The following PTN variants were observed in gnomAD, a reference collection of about 807,000 sequenced individuals.
PTN encodes heparin affin regulatory protein.
PTN carries 18 observed loss-of-function variants against 24.1 expected under a neutral mutation model. The ratio of observed to expected loss-of-function variants is 0.75; its 90% CI spans 0.52 to 1.11. The LOEUF is 1.11. Among genes scored for constraint, PTN ranks in the 50% least tolerant of loss-of-function variants. PTN has a pLI of 0.00. For synonymous variants in PTN, 78 were observed against 68.6 expected (o/e 1.14, Z -0.67); for missense variants, 163 against 198.8 (o/e 0.82, Z 1.08).
At chr7:137,308,139 G>A (rs761796827) in intron 1 of PTN, among the ~76,000 whole-genome samples, 1 of 152,100 alleles carries the variant, frequency 6.6e-6, no homozygotes, top group Non-Finnish European at 1.5e-5. Flanking sequence ...CTAGCCCAGA[G>A]AGAGGAAGAA....
intron 1 of PTN, among the ~76,000 whole-genome samples, chr7:137,306,249 T>A (rs928469939): frequency 1.3e-5 from 2 of 152,084 alleles, no homozygotes; most frequent in African/African-American, 4.8e-5. Context: ...TATTCACCCA[T>A]TATTATGAAA....
At chr7:137,321,808 C>G (rs1024207075) in intron 1 of PTN, among the ~76,000 whole-genome samples, 1 of 151,964 alleles carries the variant, frequency 6.6e-6, no homozygotes, top group Non-Finnish European at 1.5e-5. Context: ...GTTACCATAG[C>G]CTAGAATTAA....
chr7:137,228,007 C>T lies in PTN; in HGVS notation c.*13G>A. On this transcript the variant is annotated 3_prime_UTR_variant, in exon 5 of 5. Coordinates refer to ENST00000348225, the MANE Select transcript of PTN (RefSeq NM_002825.7). ...TTGCTGATGTCCTTTTTATGTTCCA[C>T]AGGTGACATCTTTTAATCCAGCATC... The T allele has an allele frequency of 1.2e-6, 2 of 1,607,648 alleles. No homozygotes were observed. The highest frequency in any genetic ancestry group is 2.2e-5 in the South Asian group (2 of 90,280).
At chr7:137,238,562 A>C (rs928493226) in intron 4 of PTN, among the ~76,000 whole-genome samples, 1 of 152,176 alleles carries the variant, frequency 6.6e-6, no homozygotes, top group Non-Finnish European at 1.5e-5. Context: ...CAAATTATTA[A>C]TTTCTTTTAG....
chr7:137,230,283 C>T (rs1055831139), intron 4 of PTN, among the ~76,000 whole-genome samples: 1 of 151,822 alleles, frequency 6.6e-6, no homozygotes, highest in African/African-American at 2.4e-5. Context: ...GGCAAGAGCA[C>T]ATTCTTAGGT....
chr7:137,333,992 T>G lies in PTN; in HGVS notation c.-2+9447A>C, dbSNP rs536347672. Among the ~76,000 whole-genome samples, 8 of 152,252 alleles carry G rather than the reference T, an allele frequency of 5.3e-5. No homozygotes were observed. The East Asian group carries it at 7.7e-4, about 15-fold the overall frequency. Reference sequence around the variant, plus strand: ...GCTGGGAAAACTGGCTAGCCATATGTAGAAAGCTGAAACTGGATCCCTTCC... The same window carrying G: ...GCTGGGAAAACTGGCTAGCCATATGGAGAAAGCTGAAACTGGATCCCTTCC... On this transcript the variant is annotated intron_variant, in intron 1 of 4. Coordinates refer to ENST00000348225, the MANE Select transcript of PTN (RefSeq NM_002825.7).
At chr7:137,324,277 C>T (rs1810213452) in intron 1 of PTN, among the ~76,000 whole-genome samples, 2 of 151,354 alleles carry the variant, frequency 1.3e-5, no homozygotes, top group South Asian at 2.1e-4. Context: ...TGCCTATAGT[C>T]TCAGCTACTC....
intron 4 of PTN, among the ~76,000 whole-genome samples, chr7:137,242,296 C>A (rs916957841): frequency 1.3e-5 from 2 of 152,026 alleles, no homozygotes; most frequent in Admixed American, 1.3e-4. Flanking sequence ...AAAAGAGCAG[C>A]AAGATGGCAA....
At chr7:137,236,708 G>A (rs1408754247) in intron 4 of PTN, among the ~76,000 whole-genome samples, 3 of 152,054 alleles carry the variant, frequency 2.0e-5, no homozygotes, top group Non-Finnish European at 4.4e-5. Flanking sequence ...GCTTATTTCT[G>A]CAATAATGAG....
chr7:137,328,162 A>G (rs1810292648), intron 1 of PTN, among the ~76,000 whole-genome samples: 1 of 152,154 alleles, frequency 6.6e-6, no homozygotes, highest in Non-Finnish European at 1.5e-5. Flanking sequence ...CCCTTTTAAA[A>G]ATTTTTACTG....
At chr7:137,233,907 CACAT>C (rs750444212) in intron 4 of PTN, among the ~76,000 whole-genome samples, 3 of 150,130 alleles carry the variant, frequency 2.0e-5, no homozygotes, top group Admixed American at 6.7e-5. Context: ...CACACACACA[CACAT>C]ACATATATGT....
At chr7:137,323,364 T>C (rs1378930831) in intron 1 of PTN, among the ~76,000 whole-genome samples, 1 of 152,246 alleles carries the variant, frequency 6.6e-6, no homozygotes, top group Non-Finnish European at 1.5e-5. Flanking sequence ...AAGTATTTTA[T>C]ATACTTTTAG....
chr7:137,330,606 C>T (rs557132767), intron 1 of PTN, among the ~76,000 whole-genome samples: 10 of 152,186 alleles, frequency 6.6e-5, no homozygotes, highest in South Asian at 6.2e-4. Flanking sequence ...ATGCGTTAGA[C>T]GGTAGAAAGG....
At chr7:137,330,272 C>A (rs968634479) in intron 1 of PTN, among the ~76,000 whole-genome samples, 1 of 151,484 alleles carries the variant, frequency 6.6e-6, no homozygotes, top group Non-Finnish European at 1.5e-5. Context: ...GGCAACACAG[C>A]AAGACCCTGT....
At chr7:137,325,052 A>G (rs1021443419) in intron 1 of PTN, among the ~76,000 whole-genome samples, 2 of 152,194 alleles carry the variant, frequency 1.3e-5, no homozygotes, top group African/African-American at 4.8e-5. Flanking sequence ...AAGGAAACAG[A>G]TAAGGCAGAG....
At chr7:137,258,465 GTTC>G (rs932389151) in intron 1 of PTN, among the ~76,000 whole-genome samples, 1 of 152,132 alleles carries the variant, frequency 6.6e-6, no homozygotes, top group African/African-American at 2.4e-5. Flanking sequence ...GAAGAACACT[GTTC>G]TTCTCAGCCT....
intron 1 of PTN, among the ~76,000 whole-genome samples, chr7:137,314,997 A>G (rs1810047318): frequency 6.6e-6 from 1 of 152,138 alleles, no homozygotes; most frequent in African/African-American, 2.4e-5. Flanking sequence ...TCTCTGTTAA[A>G]GTAATTGATG....
intron 1 of PTN, among the ~76,000 whole-genome samples, chr7:137,328,334 C>T (rs922321060): frequency 1.3e-5 from 2 of 152,160 alleles, no homozygotes; most frequent in Admixed American, 6.5e-5. Context: ...AATAGAGGCT[C>T]AAGGCTCATG....
chr7:137,263,805 T>G (rs2128873040), intron 1 of PTN, among the ~76,000 whole-genome samples: 1 of 152,170 alleles, frequency 6.6e-6, no homozygotes, highest in Admixed American at 6.5e-5. Context: ...GTCAGGCAGC[T>G]TAGCGTAGGT....
Sources: allele counts gnomAD v4.1 joint callset (sites outside exome capture counted in the v4.1 genomes callset), GRCh38; gene constraint gnomAD v4.1.1; transcripts MANE v1.5; gene names NCBI Gene and HGNC (gene_info 2026-07-23, HGNC 2026-07-21).